The following ZNF333 variants were observed in gnomAD, a reference collection of about 807,000 sequenced individuals.
ZNF333 encodes the protein zinc finger protein 333.
In ZNF333, 61 loss-of-function variants were observed where a neutral mutation model predicts 76.1. The ratio of observed to expected loss-of-function variants is 0.80; its 90% CI spans 0.65 to 0.99. ZNF333 has a LOEUF of 0.99. Ranked by LOEUF, ZNF333 falls within the 50% of genes least tolerant of loss-of-function variation. ZNF333 has a pLI of 0.00. For missense variants in ZNF333, 717 were observed against 822.4 expected (o/e 0.87, Z 1.57); for synonymous variants, 284 against 305.0 (o/e 0.93, Z 0.72).
At chr19:14,712,683 G>A (rs1435487228) in intron 7 of ZNF333, among the ~76,000 whole-genome samples, 1 of 152,142 alleles carries the variant, frequency 6.6e-6, no homozygotes, top group African/African-American at 2.4e-5. Context: ...TTGGCTTGTG[G>A]ATGCAGCCCT....
rs202049802 is a variant in ZNF333, at chr19:14,717,015, A to G, written c.749A>G (p.Asn250Ser). Residue 250 changes from asparagine (N) to serine (S), a missense_variant, in exon 10 of 12, where the codon AAT becomes AGT. Coordinates refer to ENST00000292530, the MANE Select transcript of ZNF333 (RefSeq NM_032433.4). The part of the protein sequence containing the change: ...ASVADQLCKP[N>S]ALSYLEERGE... ...GCAGCTGATCAACTGTGCAAACCCA[A>G]TGCGTTGTCTTATTTGGAAGAAAGA... 668 of 1,612,134 alleles carry G rather than the reference A, an allele frequency of 4.1e-4. 11 individuals are homozygous for G. The South Asian group carries it at 6.8e-3, about 16-fold the overall frequency.
In ZNF333 at chr19:14,705,103, G is replaced by C; in HGVS notation, c.356G>C (p.Arg119Thr). The C allele has an allele frequency of 6.2e-7, 1 of 1,614,080 alleles. No homozygotes were observed. Among genetic ancestry groups the C allele is most frequent in the African/African-American group, 1.3e-5 (1 of 75,040 alleles). ...CAGCTGGTGCCCTCCATAGAAGAGA[G>C]GGAGACACCATTGACTCGAGAGGAC... ...RMQLVPSIEE[R>T]ETPLTREDRP... The change falls in exon 6 of 12, where the codon AGG becomes ACG. Residue 119 changes from arginine to threonine, a missense_variant. Coordinates refer to ENST00000292530, the MANE Select transcript of ZNF333 (RefSeq NM_032433.4).
At chr19:14,705,969 G>C (rs968797170) in intron 6 of ZNF333, 6 of 394,986 alleles carry the variant, frequency 1.5e-5, no homozygotes, top group Non-Finnish European at 3.1e-5. Context: ...AGGAGAAAAG[G>C]CCTCTTCCCA....
intron 7 of ZNF333, among the ~76,000 whole-genome samples, chr19:14,713,686 A>G (rs889692088): frequency 2.6e-5 from 4 of 152,064 alleles, no homozygotes; most frequent in African/African-American, 9.7e-5. Context: ...GGCTAGGTGC[A>G]GTGGCTTGCA....
intron 10 of ZNF333, 43 bp from the exon 11 acceptor site, chr19:14,717,614 C>A: frequency 6.3e-7 from 1 of 1,574,982 alleles, no homozygotes; most frequent in Non-Finnish European, 8.7e-7. Context: ...CCCACAGTTT[C>A]TTTCTCTGTG....
intron 7 of ZNF333, among the ~76,000 whole-genome samples, chr19:14,711,690 TGAG>T (rs775669950): frequency 3.3e-5 from 5 of 152,048 alleles, no homozygotes; most frequent in Admixed American, 6.6e-5. Flanking sequence ...ACATTTATAT[TGAG>T]GAGGTTGAGT....
intron 5 of ZNF333, among the ~76,000 whole-genome samples, chr19:14,702,613 G>C (rs1020060038): frequency 2.0e-5 from 3 of 152,190 alleles, no homozygotes; most frequent in Non-Finnish European, 4.4e-5. Flanking sequence ...CCCCACAGCT[G>C]CCTCTTCTGC....
chr19:14,718,587 G>A lies in ZNF333; in HGVS notation c.1260G>A (p.Lys420=). 1 of 1,613,936 alleles carries A rather than the reference G, an allele frequency of 6.2e-7. No individual in the cohort carries two copies. The change falls in exon 12 of 12, where the codon AAG becomes AAA. Residue 420 remains lysine, a synonymous_variant. Coordinates refer to ENST00000292530, the MANE Select transcript of ZNF333 (RefSeq NM_032433.4). ...ACATGAGAACCCATACCGGAGAGAAGCCATTTGAATGTAGTCAGTGTGGGA... is the reference window on the plus strand; with the variant it reads ...ACATGAGAACCCATACCGGAGAGAAACCATTTGAATGTAGTCAGTGTGGGA... ...RRHMRTHTGE[K]PFECSQCGKT... is the part of the protein sequence containing the mutation.
In ZNF333 at chr19:14,695,821, A is replaced by G. The variant is rs566264753; in HGVS notation, c.223+160A>G. Reference sequence around the variant, plus strand: ...TTCCTTTAGCTTCTCTTCTATTTTCACTTTCTAGCCCTCCTCTCCTACTTT... The same window carrying G: ...TTCCTTTAGCTTCTCTTCTATTTTCGCTTTCTAGCCCTCCTCTCCTACTTT... On this transcript the variant is annotated intron_variant, in intron 4 of 11. Coordinates refer to ENST00000292530, the MANE Select transcript of ZNF333 (RefSeq NM_032433.4). 2.0e-5 allele frequency among the ~76,000 whole-genome samples: 3 copies of G among 152,146 alleles called. No homozygotes were observed. In the South Asian group the frequency reaches 6.2e-4, roughly 32 times the overall value.
At chr19:14,693,699 C>A (rs11085907) in intron 2 of ZNF333, among the ~76,000 whole-genome samples, 45,642 of 152,066 alleles carry the variant, frequency 0.3, 7,593 homozygotes, top group East Asian at 0.6. Context: ...GAAGAAGAGT[C>A]CCACAGCAGA....
At chr19:14,724,305 T>G (rs1316482401), downstream of ZNF333, among the ~76,000 whole-genome samples, 5 of 152,194 alleles carry the variant, frequency 3.3e-5, no homozygotes, top group African/African-American at 1.2e-4. Flanking sequence ...CCTAGCACAG[T>G]AAGATCATAC....
chr19:14,695,564 A>T lies in ZNF333; in HGVS notation c.128-2A>T. 1 of 1,614,122 alleles carries T rather than the reference A, an allele frequency of 6.2e-7. No individual in the cohort carries two copies. Among genetic ancestry groups the T allele is most frequent in the Non-Finnish European group, 8.5e-7 (1 of 1,179,988 alleles). Reference sequence around the variant, plus strand: ...AGTGCCTGTGTCTTTCTTCATGTGCAGGAACTCCACCATGCAAACCCAGTT... The same window carrying T: ...AGTGCCTGTGTCTTTCTTCATGTGCTGGAACTCCACCATGCAAACCCAGTT... On this transcript the variant is annotated splice_acceptor_variant, in intron 3 of 11. Transcript: ENST00000292530. LOFTEE classifies it high-confidence loss of function.
intron 11 of ZNF333, among the ~76,000 whole-genome samples, chr19:14,727,492 G>C (rs2042641368): frequency 6.6e-6 from 1 of 152,142 alleles, no homozygotes; most frequent in South Asian, 2.1e-4. Flanking sequence ...AGACAGAGTA[G>C]AGACGTTCCA....
chr19:14,694,582 A>G (rs545648302), intron 2 of ZNF333, among the ~76,000 whole-genome samples: 12 of 152,364 alleles, frequency 7.9e-5, no homozygotes, highest in African/African-American at 2.6e-4. Context: ...CTTCACAGAA[A>G]TTAAGCTTTC....
At chr19:14,715,344 C>G in intron 7 of ZNF333, 38 bp from the exon 8 acceptor site, 1 of 1,591,642 alleles carries the variant, frequency 6.3e-7, no homozygotes, top group Non-Finnish European at 8.6e-7. Flanking sequence ...CCCAGTAGGC[C>G]AGGCACCAAC....
At chr19:14,695,483 G>A in intron 3 of ZNF333, 83 bp from the exon 4 acceptor site, 1 of 1,303,804 alleles carries the variant, frequency 7.7e-7, no homozygotes, top group Non-Finnish European at 1.1e-6. Flanking sequence ...GAAGCTGAAG[G>A]AGAGTTTGAG....
Position 14,695,628 on chromosome 19 carries a change from A to G in ZNF333, c.190A>G (p.Thr64Ala), listed in dbSNP as rs1230054386. The G allele has an allele frequency of 3.7e-6, 6 of 1,614,150 alleles. No individual in the cohort carries two copies. Among genetic ancestry groups the G allele is most frequent in the African/African-American group, 1.3e-5 (1 of 75,036 alleles). The change falls in exon 4 of 12, where the codon ACA (threonine) becomes GCA (alanine). Residue 64 changes from threonine to alanine, a missense_variant. Physicochemically the swap from Thr to Ala is moderately conservative, Grantham distance 58 (BLOSUM62 0). Transcript: ENST00000292530. Reference protein sequence around the residue: ...QLGQRAEPKATERGILRATGV... With the variant: ...QLGQRAEPKAAERGILRATGV... Reference sequence around the variant, plus strand: ...GGGGCAAAGAGCAGAGCCAAAGGCAACAGAACGAGGGATTCTCCGTGCCAC... The same window carrying G: ...GGGGCAAAGAGCAGAGCCAAAGGCAGCAGAACGAGGGATTCTCCGTGCCAC...
rs563451794 is a variant in ZNF333 at position 14,696,842 on chromosome 19, G to A, written c.223+1181G>A. 9.6e-5 allele frequency among the ~76,000 whole-genome samples: 14 copies of A among 145,968 alleles called. No homozygotes were observed. In the East Asian group the frequency reaches 1.0e-3, roughly 11 times the overall value. ...CAACCTCTGCGTCCTGGGTTCAAGC[G>A]ATTCTCCTGCCTGAGTCTCCTGAGT... On this transcript the variant is annotated intron_variant, in intron 4 of 11. Coordinates refer to ENST00000292530, the MANE Select transcript of ZNF333 (RefSeq NM_032433.4).
rs1156278879 is a variant in ZNF333, at chr19:14,720,143, G to A, written c.*818G>A. The A allele has an allele frequency of 1.2e-5, 11 of 941,950 alleles. No individual in the cohort carries two copies. In the South Asian group the frequency reaches 2.0e-4, roughly 17 times the overall value. 58.3% of individuals were successfully genotyped at this position (941,950 alleles called of 1,614,324 possible). A position where few individuals can be genotyped will look rare whatever the true frequency, so the allele number is the denominator to read the frequency against. On this transcript the variant is annotated 3_prime_UTR_variant, in exon 12 of 12. Transcript: ENST00000292530. ...AGAGGTTGCAGTGAGCCGAGATTGC[G>A]CCACTGCACTCCAGCCTGGGCAACA...
Sources: allele counts gnomAD v4.1 joint callset (sites outside exome capture counted in the v4.1 genomes callset), GRCh38; gene constraint gnomAD v4.1.1; transcripts MANE v1.5; gene names NCBI Gene and HGNC (gene_info 2026-07-23, HGNC 2026-07-21).